Variants in BACH2 observed in about 807,000 individuals in gnomAD.
BACH2 encodes the protein BACH transcriptional regulator 2, also known as transcription regulator protein BACH2.
In BACH2, 5 loss-of-function variants were observed where a neutral mutation model predicts 61.8. The ratio of observed to expected loss-of-function variants is 0.08; its 90% CI spans 0.04 to 0.17. BACH2 has a LOEUF of 0.17. BACH2 is among the 10% of genes least tolerant of loss of function. The pLI is 1.00. For synonymous variants in BACH2, 446 were observed against 440.1 expected, an observed-to-expected ratio of 1.01 and a Z score of -0.17; for missense variants, 824 against 1,091.1, an observed-to-expected ratio of 0.76 and a Z score of 3.45.
chr6:90,116,424 T>C (rs1017757422), intron 4 of BACH2, among the ~76,000 whole-genome samples: 2 of 152,114 alleles, frequency 1.3e-5, no homozygotes, highest in Non-Finnish European at 1.5e-5. Context: ...TTCTCACTTA[T>C]AAGTGGGAGC....
chr6:89,981,977 CTTT>C (rs1053227520), intron 6 of BACH2, among the ~76,000 whole-genome samples: 1 of 147,800 alleles, frequency 6.8e-6, no homozygotes, highest in Non-Finnish European at 1.5e-5. Flanking sequence ...AGATTTCTTT[CTTT>C]TTTTTTTGGA....
Position 90,234,866 on chromosome 6 carries a change from C to T in BACH2, c.-275+17647G>A, listed in dbSNP as rs142266828. On this transcript the variant is annotated intron_variant, in intron 3 of 8. Transcript: ENST00000257749. ...TGCTAGAGGCAGCCTAGGGCCAAAT[C>T]CCACCTTTGGCACTCACTAGCTGGG... Among the ~76,000 whole-genome samples the T allele has an allele frequency of 2.2e-3, 331 of 152,274 alleles. 13 individuals are homozygous for T. The South Asian group carries it at 0.063, about 29-fold the overall frequency.
intron 3 of BACH2, among the ~76,000 whole-genome samples, chr6:90,220,506 A>G (rs1162383528): frequency 6.6e-6 from 1 of 152,260 alleles, no homozygotes; most frequent in African/African-American, 2.4e-5. Flanking sequence ...CAAGGGTGCC[A>G]GGAAGGCCAC....
intron 4 of BACH2, among the ~76,000 whole-genome samples, chr6:90,134,552 T>A (rs1411032463): frequency 6.6e-6 from 1 of 152,066 alleles, no homozygotes; most frequent in African/African-American, 2.4e-5. Context: ...GTTCAGGTGG[T>A]CAGGGGCCTA....
At chr6:90,242,359 GCTT>G (rs757522243) in intron 3 of BACH2, among the ~76,000 whole-genome samples, 28 of 152,086 alleles carry the variant, frequency 1.8e-4, no homozygotes, top group Non-Finnish European at 4.0e-4. Flanking sequence ...TTCCAGACTG[GCTT>G]CTTTCACTTA....
intron 5 of BACH2, among the ~76,000 whole-genome samples, chr6:90,070,332 C>A (rs566897344): frequency 6.6e-6 from 1 of 152,266 alleles, no homozygotes; most frequent in African/African-American, 2.4e-5. Context: ...TAGCAAGAGA[C>A]CAGGAAGCAC....
intron 4 of BACH2, among the ~76,000 whole-genome samples, chr6:90,166,552 T>C (rs1238646615): frequency 6.6e-6 from 1 of 152,220 alleles, no homozygotes. Context: ...ATCCCATTAC[T>C]GGGTATATAC....
intron 6 of BACH2, among the ~76,000 whole-genome samples, chr6:89,956,054 A>G (rs17765610): frequency 0.091 from 13,829 of 152,294 alleles, 740 homozygotes; most frequent in South Asian, 0.14. Flanking sequence ...CATCTAGACT[A>G]AAATCCACTG....
chr6:90,201,222 T>C (rs1225197168), intron 4 of BACH2, among the ~76,000 whole-genome samples: 1 of 152,192 alleles, frequency 6.6e-6, no homozygotes, highest in Non-Finnish European at 1.5e-5. Context: ...AAATGGAAAT[T>C]CTGGGACAAA....
At chr6:89,940,238 G>A (rs1773340987) in intron 7 of BACH2, among the ~76,000 whole-genome samples, 1 of 152,098 alleles carries the variant, frequency 6.6e-6, no homozygotes, top group African/African-American at 2.4e-5. Context: ...TTGAACTCCT[G>A]GTCTCAAGTG....
At chr6:90,200,629 T>C (rs1768925596) in intron 4 of BACH2, among the ~76,000 whole-genome samples, 1 of 152,200 alleles carries the variant, frequency 6.6e-6, no homozygotes, top group South Asian at 2.1e-4. Context: ...AAATGTTTGG[T>C]TACTAATCTG....
At chr6:90,150,591 C>T (rs1354485254) in intron 4 of BACH2, among the ~76,000 whole-genome samples, 1 of 152,026 alleles carries the variant, frequency 6.6e-6, no homozygotes, top group Non-Finnish European at 1.5e-5. Flanking sequence ...GCCTTCAGAT[C>T]GAGATGCAGG....
intron 3 of BACH2, among the ~76,000 whole-genome samples, chr6:90,211,837 A>G (rs945704230): frequency 6.6e-6 from 1 of 152,174 alleles, no homozygotes; most frequent in Non-Finnish European, 1.5e-5. Context: ...CACTCTTCGC[A>G]GTGTTAAAGG....
At chr6:90,020,763 T>G (rs1387569394) in intron 5 of BACH2, among the ~76,000 whole-genome samples, 1 of 152,076 alleles carries the variant, frequency 6.6e-6, no homozygotes, top group Non-Finnish European at 1.5e-5. Flanking sequence ...CTTGCCTTGC[T>G]AATATTAAAC....
At position 90,008,516 on chromosome 6, in the gene BACH2, C is replaced by T; in HGVS notation, c.243+86G>A. ...CAACTCCTGAGTGGGGACATGGCAC[C>T]TAGTACATCTTCTAGCTCCTAGTCA... On this transcript the variant is annotated intron_variant, in intron 6 of 8. Transcript: ENST00000257749. This position sits in a 1 kb window ranked among gnomAD's most constrained non-coding sequence, Gnocchi z 4.1. 6.5e-7 allele frequency: 1 copy of T among 1,546,346 alleles called. No individual in the cohort carries two copies. Among genetic ancestry groups the T allele is most frequent in the Admixed American group, 1.7e-5 (1 of 58,528 alleles).
In BACH2 at chr6:90,011,932, A is replaced by ATATGTG. The variant is rs764546078; in HGVS notation, c.-12-3077_-12-3076insCACATA. On this transcript the variant is annotated intron_variant, in intron 5 of 8. Coordinates refer to ENST00000257749, the MANE Select transcript of BACH2 (RefSeq NM_021813.4). ...AAGACTCTGTCTCAAAAAAAAAAATATGTGTGTGTGTGTGTGTGTGTGTGT... is the reference window on the plus strand; with the variant it reads ...AAGACTCTGTCTCAAAAAAAAAAATATATGTGTGTGTGTGTGTGTGTGTGTGTGTGT... Among the ~76,000 whole-genome samples the ATATGTG allele has an allele frequency of 4.0e-3, 459 of 114,290 alleles. 2 individuals carry two copies. The highest frequency in any genetic ancestry group is 0.016 in the African/African-American group (419 of 26,864). 75.0% of individuals were successfully genotyped at this position (114,290 alleles called of 152,430 possible).
At chr6:90,237,752 G>A (rs1411226901) in intron 3 of BACH2, among the ~76,000 whole-genome samples, 2 of 152,188 alleles carry the variant, frequency 1.3e-5, no homozygotes, top group African/African-American at 2.4e-5. Context: ...GACTTTCATT[G>A]TATTTGCAGC....
intron 7 of BACH2, among the ~76,000 whole-genome samples, chr6:89,945,163 C>G (rs1459726282): frequency 6.6e-6 from 1 of 152,116 alleles, no homozygotes; most frequent in Non-Finnish European, 1.5e-5. Flanking sequence ...AGTTCCACTC[C>G]TAGGAATATT....
chr6:90,134,254 T>C (rs1417180644), intron 4 of BACH2, among the ~76,000 whole-genome samples: 2 of 152,260 alleles, frequency 1.3e-5, no homozygotes, highest in African/African-American at 4.8e-5. Context: ...AGATGGTATC[T>C]CATTGTGGTT....
Sources: allele counts gnomAD v4.1 joint callset (sites outside exome capture counted in the v4.1 genomes callset), GRCh38; gene constraint gnomAD v4.1.1; non-coding constraint Gnocchi (gnomAD v3.1); transcripts MANE v1.5; gene names NCBI Gene and HGNC (gene_info 2026-07-23, HGNC 2026-07-21).